SDC2: variants seen among roughly 807,000 people sequenced by gnomAD.
The protein encoded by SDC2 is syndecan 2.
Under a neutral mutation model 22.2 loss-of-function variants are expected in SDC2, and 13 were observed. That is an observed-to-expected ratio of 0.59 (90% CI 0.38 to 0.93). The LOEUF is 0.93. Ranked by LOEUF, SDC2 falls within the 40% of genes least tolerant of loss-of-function variation. The pLI, the probability that SDC2 is intolerant of heterozygous loss-of-function variation, is 0.00. For missense variants in SDC2, 235 were observed against 246.8 expected (o/e 0.95, Z 0.32); for synonymous variants, 94 against 92.8 (o/e 1.01, Z -0.07).
At chr8:96,530,504 G>A (rs1432110953) in intron 1 of SDC2, among the ~76,000 whole-genome samples, 1 of 152,046 alleles carries the variant, frequency 6.6e-6, no homozygotes, top group Non-Finnish European at 1.5e-5. Flanking sequence ...CGTGTTAGCG[G>A]GTGCCTGTAA....
intron 1 of SDC2, among the ~76,000 whole-genome samples, chr8:96,501,453 A>T (rs1813164360): frequency 6.6e-6 from 1 of 151,456 alleles, no homozygotes; most frequent in African/African-American, 2.4e-5. Context: ...TACAGTGCAC[A>T]CCACCACGCC....
chr8:96,589,035 A>ATCAAGAC (rs1814732419), intron 1 of SDC2, among the ~76,000 whole-genome samples: 1 of 152,260 alleles, frequency 6.6e-6, no homozygotes, highest in African/African-American at 2.4e-5. Context: ...TTCTGACTAC[A>ATCAAGAC]TCAAGACTCT....
chr8:96,515,346 G>T (rs376515455), intron 1 of SDC2, among the ~76,000 whole-genome samples: 1 of 152,304 alleles, frequency 6.6e-6, no homozygotes, highest in East Asian at 1.9e-4. Flanking sequence ...TTTAGAATGC[G>T]GTAATCTTTC....
At chr8:96,524,197 A>G (rs1400836408) in intron 1 of SDC2, among the ~76,000 whole-genome samples, 1 of 152,334 alleles carries the variant, frequency 6.6e-6, no homozygotes, top group Non-Finnish European at 1.5e-5. Context: ...GAGTGAGATG[A>G]CTGTAGGCAG....
intron 1 of SDC2, among the ~76,000 whole-genome samples, chr8:96,556,034 TCACACA>T (rs35496391): frequency 2.1e-5 from 3 of 143,576 alleles, no homozygotes; most frequent in Non-Finnish European, 4.5e-5. Flanking sequence ...TATTAGAATA[TCACACA>T]CACACACACA....
chr8:96,524,822 C>T (rs372228209), intron 1 of SDC2, among the ~76,000 whole-genome samples: 7 of 152,086 alleles, frequency 4.6e-5, no homozygotes, highest in Non-Finnish European at 8.8e-5. Context: ...TCAATGAGAC[C>T]TAATATAGTA....
intron 1 of SDC2, among the ~76,000 whole-genome samples, chr8:96,495,927 ATTAG>A (rs1209936910): frequency 6.6e-6 from 1 of 152,194 alleles, no homozygotes; most frequent in Non-Finnish European, 1.5e-5. Flanking sequence ...ATCCGTTGGT[ATTAG>A]TTATCTCCCA....
chr8:96,598,352 T>C (rs1403442730), intron 2 of SDC2, among the ~76,000 whole-genome samples: 1 of 152,208 alleles, frequency 6.6e-6, no homozygotes, highest in Non-Finnish European at 1.5e-5. Flanking sequence ...CTGGGTGTGG[T>C]GGGTTACGCC....
chr8:96,510,697 A>G (rs1362093830), intron 1 of SDC2, among the ~76,000 whole-genome samples: 1 of 152,212 alleles, frequency 6.6e-6, no homozygotes, highest in African/African-American at 2.4e-5. Context: ...TGAGAAGGCT[A>G]TTAAAATGAA....
intron 1 of SDC2, among the ~76,000 whole-genome samples, chr8:96,549,995 G>A (rs1265365281): frequency 6.6e-6 from 1 of 152,074 alleles, no homozygotes; most frequent in Non-Finnish European, 1.5e-5. Flanking sequence ...TTTAAACTTG[G>A]AATTTTGGGG....
chr8:96,532,463 A>G (rs1297308773), intron 1 of SDC2, among the ~76,000 whole-genome samples: 1 of 144,592 alleles, frequency 6.9e-6, no homozygotes, highest in African/African-American at 2.6e-5. Flanking sequence ...GAAAAAAAAG[A>G]AAGAAAATCT....
chr8:96,577,180 G>C (rs1268465190), intron 1 of SDC2, among the ~76,000 whole-genome samples: 1 of 152,166 alleles, frequency 6.6e-6, no homozygotes, highest in African/African-American at 2.4e-5. Flanking sequence ...CTGTAAATGG[G>C]CTACTTATAA....
intron 1 of SDC2, among the ~76,000 whole-genome samples, chr8:96,507,003 T>C (rs2515126): frequency 0.71 from 103,157 of 145,532 alleles, 36,731 homozygotes; most frequent in East Asian, 0.81. Context: ...AGCGAGACTC[T>C]GTCTCAGGAA....
At chr8:96,552,297 A>C (rs949012246) in intron 1 of SDC2, among the ~76,000 whole-genome samples, 4 of 152,198 alleles carry the variant, frequency 2.6e-5, no homozygotes, top group African/African-American at 9.7e-5. Context: ...GCCCTGAGGA[A>C]CTTCTCTCCC....
In SDC2 at chr8:96,578,300, C is replaced by T. The variant is rs111439442; in HGVS notation, c.61-15180C>T. ...CCACTAGAAAAGTCTGGAAAAATAG[C>T]CACATGTGTCTATTTGAACTTAAAT... On this transcript the variant is annotated intron_variant, in intron 1 of 4. Coordinates refer to ENST00000302190, the MANE Select transcript of SDC2 (RefSeq NM_002998.4). Among the ~76,000 whole-genome samples, 712 of 152,242 alleles carry T rather than the reference C, an allele frequency of 4.7e-3. 4 individuals are homozygous for T. The highest frequency in any genetic ancestry group is 7.8e-3 in the Non-Finnish European group (532 of 68,026).
At chr8:96,565,084 ATT>A (rs11304418) in intron 1 of SDC2, among the ~76,000 whole-genome samples, 1 of 67,798 alleles carries the variant, frequency 1.5e-5, no homozygotes, top group Non-Finnish European at 2.9e-5. Flanking sequence ...CCTAAATTTG[ATT>A]TTTTTTTTTT....
At chr8:96,528,032 A>G (rs1002857975) in intron 1 of SDC2, among the ~76,000 whole-genome samples, 1 of 151,630 alleles carries the variant, frequency 6.6e-6, no homozygotes, top group African/African-American at 2.4e-5. Context: ...ATCCAACAAA[A>G]TAGCACTTTT....
chr8:96,494,465 A>G (rs1042291937), intron 1 of SDC2, 134 bp downstream of exon 1: 1 of 764,412 alleles, frequency 1.3e-6, no homozygotes, highest in African/African-American at 1.8e-5. Flanking sequence ...CGCTGGGACA[A>G]ATGCGCTCGT....
At chr8:96,571,402 G>A (rs1001312780) in intron 1 of SDC2, among the ~76,000 whole-genome samples, 17 of 152,326 alleles carry the variant, frequency 1.1e-4, no homozygotes, top group South Asian at 2.1e-4. Flanking sequence ...CCCGATCACC[G>A]GGGTCTTATG....
Sources: gnomAD v4.1 joint callset for allele counts (sites outside exome capture counted in the v4.1 genomes callset) on GRCh38, gnomAD v4.1.1 for gene constraint, MANE v1.5 for transcripts, NCBI Gene and HGNC (gene_info 2026-07-23, HGNC 2026-07-21) for gene names.